The following TRRAP variants were observed in gnomAD, a reference collection of about 807,000 sequenced individuals.
The protein encoded by TRRAP is transformation/transcription domain associated protein, also known as transformation/transcription domain-associated protein.
Under a neutral mutation model 438.8 loss-of-function variants are expected in TRRAP, and 41 were observed. The ratio of observed to expected loss-of-function variants is 0.09; its 90% CI spans 0.07 to 0.12. The LOEUF (loss-of-function observed/expected upper bound fraction) is 0.12. Ranked by LOEUF, TRRAP falls within the 10% of genes least tolerant of loss-of-function variation. The pLI is 1.00. For missense variants in TRRAP, 3,122 were observed against 5,055.1 expected (o/e 0.62, Z 11.60); for synonymous variants, 1,994 against 1,962.9 (o/e 1.02, Z -0.42).
chr7:98,915,602 T>C, intron 18 of TRRAP, 121 bp from the exon 19 acceptor site: 1 of 1,248,076 alleles, frequency 8.0e-7, no homozygotes, highest in East Asian at 2.4e-5. Flanking sequence ...TTTTTCCCTT[T>C]GGAGTAAACA....
intron 59 of TRRAP, 143 bp downstream of exon 59, chr7:98,982,103 T>G: frequency 9.6e-5 from 74 of 770,842 alleles, no homozygotes; most frequent in Middle Eastern, 3.9e-4. Context: ...CTTATACGCG[T>G]CCTCAGGAAA....
chr7:98,899,817 A>G (rs1554406361), intron 10 of TRRAP, 50 bp downstream of exon 10: 2 of 1,583,202 alleles, frequency 1.3e-6, no homozygotes, highest in East Asian at 2.2e-5. Context: ...TCCAAGTAAA[A>G]ATACACTTGC....
Position 98,917,556 on chromosome 7 carries a change from T to C in TRRAP, c.2499T>C (p.Ser833=), listed in dbSNP as rs782057403. 5.0e-6 allele frequency: 8 copies of C among 1,614,224 alleles called. No individual in the cohort carries two copies. The Admixed American group carries it at 1.3e-4, about 27-fold the overall frequency. The change falls in exon 20 of 73, where the codon TCT becomes TCC. Residue 833 remains serine (S), a synonymous_variant. Coordinates refer to ENST00000456197, the MANE Select transcript of TRRAP (RefSeq NM_001375524.1). ...YLPMLMDPLV[S]ALNGSQTLVS... ...CCATGCTTATGGATCCCTTGGTGTC[T>C]GCACTCAATGGGTCTCAGACATTGG...
Position 98,910,316 on chromosome 7 carries a change from C to A in TRRAP, c.1611C>A (p.Asp537Glu). The A allele has an allele frequency of 6.2e-7, 1 of 1,609,422 alleles. No individual in the cohort carries two copies. The highest frequency in any genetic ancestry group is 1.3e-5 in the African/African-American group (1 of 74,634). Residue 537 changes from aspartate to glutamate, a missense_variant, in exon 15 of 73, where the codon GAC becomes GAA. Asp to Glu is a conservative substitution (Grantham distance 45). This residue lies in a region of TRRAP where 115 missense variants were observed against 124.6 expected (regional missense o/e 0.92). Transcript: ENST00000456197. Reference protein sequence around the residue: ...FEKQGEKDKEDKQTFQVTDCR... With the variant: ...FEKQGEKDKEEKQTFQVTDCR... Reference sequence around the variant, plus strand: ...AGCAAGGAGAAAAGGACAAGGAAGACAAGCAGACATTCCAAGTCACAGACT... The same window carrying A: ...AGCAAGGAGAAAAGGACAAGGAAGAAAAGCAGACATTCCAAGTCACAGACT...
intron 67 of TRRAP, among the ~76,000 whole-genome samples, chr7:98,997,251 A>T (rs1793709479): frequency 6.6e-6 from 1 of 152,054 alleles, no homozygotes; most frequent in Non-Finnish European, 1.5e-5. Context: ...GGTTGCAGTG[A>T]GCCAAAATCA....
intron 27 of TRRAP, among the ~76,000 whole-genome samples, chr7:98,933,884 CTG>C: frequency 6.6e-6 from 1 of 152,340 alleles, no homozygotes; most frequent in Admixed American, 6.5e-5. Context: ...GGTGTGGAAA[CTG>C]AGGCTTAGAG....
At chr7:98,949,181 A>G (rs2116607049) in intron 35 of TRRAP, among the ~76,000 whole-genome samples, 1 of 152,080 alleles carries the variant, frequency 6.6e-6, no homozygotes, top group South Asian at 2.1e-4. Context: ...GCAGTGAGCT[A>G]TGATTTTACC....
chr7:98,918,227 C>CTTTTTTTTTT (rs71118647), intron 20 of TRRAP, among the ~76,000 whole-genome samples: 1 of 83,206 alleles, frequency 1.2e-5, no homozygotes, highest in African/African-American at 3.9e-5. Flanking sequence ...GGGTTATATT[C>CTTTTTTTTTT]TTTTTTTTTT....
Position 98,976,710 on chromosome 7 carries a change from G to A in TRRAP, c.8187G>A (p.Gln2729=), listed in dbSNP as rs578225944. The A allele has an allele frequency of 1.5e-5, 25 of 1,614,114 alleles. No homozygotes were observed. In the South Asian group the frequency reaches 2.5e-4, roughly 16 times the overall value. ...CTTTTGAAAAGGGTCTGAGTCTTCA[G>A]ATTAAGCCGAAGCAAACAACGGAGT... ...HQAFEKGLSL[Q]IKPKQTTEFY... Residue 2729 remains glutamine (Q), a synonymous_variant, in exon 55 of 73, where the codon CAG becomes CAA. Transcript: ENST00000456197. This position sits in a 1 kb window ranked among gnomAD's most constrained non-coding sequence, Gnocchi z 4.6.
chr7:98,957,300 T>C (rs1554420091), intron 43 of TRRAP, among the ~76,000 whole-genome samples: 1 of 152,186 alleles, frequency 6.6e-6, no homozygotes, highest in Non-Finnish European at 1.5e-5. Flanking sequence ...GCCTCCACTT[T>C]TATTCCCTCT....
chr7:98,923,462 C>G (rs908543204), intron 21 of TRRAP, among the ~76,000 whole-genome samples: 1 of 152,232 alleles, frequency 6.6e-6, no homozygotes, highest in Non-Finnish European at 1.5e-5. Flanking sequence ...GAAAGATGAG[C>G]GTGGCTAAGC....
intron 65 of TRRAP, among the ~76,000 whole-genome samples, chr7:98,992,832 T>C (rs1793489598): frequency 6.6e-6 from 1 of 152,164 alleles, no homozygotes; most frequent in Non-Finnish European, 1.5e-5. Flanking sequence ...GTGGGCCGTG[T>C]GTGGTTGGTG....
chr7:98,928,802 C>T (rs188874298), intron 23 of TRRAP, among the ~76,000 whole-genome samples: 7 of 152,016 alleles, frequency 4.6e-5, no homozygotes, highest in Admixed American at 2.0e-4. Flanking sequence ...GATACAGAGT[C>T]TCACTTTGTT....
intron 58 of TRRAP, 73 bp downstream of exon 58, chr7:98,978,977 ATTTCCC>A: frequency 5.0e-6 from 8 of 1,586,806 alleles, no homozygotes; most frequent in Non-Finnish European, 6.8e-6. Context: ...CTCTTGGGAG[ATTTCCC>A]TTAGAACAAG....
chr7:98,958,081 T>C lies in TRRAP; in HGVS notation c.6332T>C (p.Val2111Ala). The C allele has an allele frequency of 6.2e-7, 1 of 1,614,040 alleles. No homozygotes were observed. The highest frequency in any genetic ancestry group is 8.5e-7 in the Non-Finnish European group (1 of 1,179,984). Residue 2111 changes from valine to alanine, a missense_variant, in exon 44 of 73, where the codon GTG becomes GCG. Physicochemically the swap from Val to Ala is moderately conservative, Grantham distance 64 (BLOSUM62 0). Coordinates refer to ENST00000456197, the MANE Select transcript of TRRAP (RefSeq NM_001375524.1). ...TDTVVNFLIR[V>A]ACQVNDNTNT... Reference sequence around the variant, plus strand: ...ACTGTGGTGAACTTCCTTATCCGCGTGGCCTGTCAGGTACGGGATCCAAGT... The same window carrying C: ...ACTGTGGTGAACTTCCTTATCCGCGCGGCCTGTCAGGTACGGGATCCAAGT...
intron 25 of TRRAP, 119 bp downstream of exon 25, chr7:98,930,949 C>A: frequency 7.7e-7 from 1 of 1,307,012 alleles, no homozygotes; most frequent in African/African-American, 1.5e-5. Context: ...CTTTGATACT[C>A]AGATTTCATT....
intron 69 of TRRAP, among the ~76,000 whole-genome samples, chr7:99,008,164 T>C (rs1373492962): frequency 6.6e-6 from 1 of 152,226 alleles, no homozygotes; most frequent in Admixed American, 6.5e-5. Context: ...CATTTCTGTT[T>C]GTGGACACAA....
At chr7:98,921,456 A>G (rs1554410494) in intron 20 of TRRAP, among the ~76,000 whole-genome samples, 1 of 151,830 alleles carries the variant, frequency 6.6e-6, no homozygotes, top group Non-Finnish European at 1.5e-5. Flanking sequence ...GCTCACTACA[A>G]CCTTCGCCTT....
chr7:98,993,814 T>C (rs370849806), intron 66 of TRRAP, 77 bp downstream of exon 66: 1 of 1,453,240 alleles, frequency 6.9e-7, no homozygotes, highest in East Asian at 2.3e-5. Context: ...GTGGCTCTCT[T>C]CCCTTGAGCT....
Sources: gnomAD v4.1 joint callset for allele counts (sites outside exome capture counted in the v4.1 genomes callset) on GRCh38, gnomAD v4.1.1 for gene constraint, gnomAD v4.1.1 regional missense constraint, Gnocchi (gnomAD v3.1) non-coding constraint, MANE v1.5 for transcripts, NCBI Gene and HGNC (gene_info 2026-07-23, HGNC 2026-07-21) for gene names.